The following JAM2 variants were observed in gnomAD, a reference collection of about 807,000 sequenced individuals.
The protein encoded by JAM2 is junctional adhesion molecule 2.
In JAM2, 17 loss-of-function variants were observed where a neutral mutation model predicts 42.0. The observed-to-expected ratio is 0.40, with a 90% confidence interval of 0.28 to 0.61. The LOEUF (loss-of-function observed/expected upper bound fraction) is 0.61. Among genes scored for constraint, JAM2 ranks in the 20% least tolerant of loss-of-function variants. JAM2 has a pLI of 0.37. For synonymous variants in JAM2, 118 were observed against 128.6 expected, an observed-to-expected ratio of 0.92 and a Z score of 0.56; for missense variants, 319 against 358.3, an observed-to-expected ratio of 0.89 and a Z score of 0.89.
At chr21:25,661,945 A>G (rs947644159) in intron 1 of JAM2, among the ~76,000 whole-genome samples, 2 of 151,990 alleles carry the variant, frequency 1.3e-5, no homozygotes. Context: ...ATGCTGCAGA[A>G]TAACCGTGGA....
At chr21:25,665,381 C>G (rs1294509887) in intron 1 of JAM2, among the ~76,000 whole-genome samples, 1 of 152,152 alleles carries the variant, frequency 6.6e-6, no homozygotes, top group Non-Finnish European at 1.5e-5. Context: ...CAAAGGAACT[C>G]CTAAGGTACA....
At chr21:25,656,547 C>T (rs756640811) in intron 1 of JAM2, among the ~76,000 whole-genome samples, 34 of 152,134 alleles carry the variant, frequency 2.2e-4, no homozygotes, top group Non-Finnish European at 4.1e-4. Flanking sequence ...GAAGTAGAGG[C>T]ATTTAGCAGC....
intron 1 of JAM2, among the ~76,000 whole-genome samples, chr21:25,654,222 T>C (rs184172476): frequency 6.6e-6 from 1 of 152,346 alleles, no homozygotes; most frequent in Non-Finnish European, 1.5e-5. Flanking sequence ...AATCATCATT[T>C]GCAGCATGTA....
intron 2 of JAM2, among the ~76,000 whole-genome samples, chr21:25,688,502 C>T (rs1275636867): frequency 6.6e-6 from 1 of 152,222 alleles, no homozygotes; most frequent in Non-Finnish European, 1.5e-5. Flanking sequence ...CCTTAATCAA[C>T]AGAAAAGAAC....
intron 1 of JAM2, among the ~76,000 whole-genome samples, chr21:25,651,020 T>C (rs1600992602): frequency 1.3e-5 from 1 of 78,872 alleles, no homozygotes; most frequent in African/African-American, 5.4e-5. Context: ...GATCTAAATG[T>C]AAATAGGTAA....
At chr21:25,661,805 GT>G (rs1204142379) in intron 1 of JAM2, among the ~76,000 whole-genome samples, 1 of 152,104 alleles carries the variant, frequency 6.6e-6, no homozygotes, top group Non-Finnish European at 1.5e-5. Flanking sequence ...TCTTAGGTTT[GT>G]GGTGGTTGAA....
chr21:25,701,557 C>G (rs757613469), intron 5 of JAM2, among the ~76,000 whole-genome samples: 12 of 152,000 alleles, frequency 7.9e-5, no homozygotes, highest in Non-Finnish European at 8.8e-5. Flanking sequence ...TTATATCAAT[C>G]TTAGCTTTTG....
At chr21:25,689,808 G>A in intron 2 of JAM2, 58 bp from the exon 3 acceptor site, 1 of 1,123,408 alleles carries the variant, frequency 8.9e-7, no homozygotes, top group South Asian at 1.3e-5. Flanking sequence ...ACCTAGTTAA[G>A]TAAAATATAA....
chr21:25,648,531 T>A (rs996751151), intron 1 of JAM2, among the ~76,000 whole-genome samples: 8 of 152,002 alleles, frequency 5.3e-5, no homozygotes, highest in African/African-American at 1.9e-4. Flanking sequence ...CTTCCCAACC[T>A]CCATTCATCT....
rs1249988006 is a variant in JAM2, at chr21:25,675,268, G to A, written c.68-8615G>A. On this transcript the variant is annotated intron_variant, in intron 1 of 9. Coordinates refer to ENST00000480456, the MANE Select transcript of JAM2 (RefSeq NM_021219.4). ...CCTAGCACTTTGAGAAACTGAGGTG[G>A]GCAGATCACTTGAGACCAGCAGTTT... 3.9e-5 allele frequency among the ~76,000 whole-genome samples: 6 copies of A among 152,006 alleles called. No homozygotes were observed. The East Asian group carries it at 1.2e-3, about 29-fold the overall frequency.
At chr21:25,713,845 CA>C (rs1413467420) in intron 9 of JAM2, among the ~76,000 whole-genome samples, 1 of 152,170 alleles carries the variant, frequency 6.6e-6, no homozygotes, top group Non-Finnish European at 1.5e-5. Context: ...CAGTATGAAG[CA>C]CATTGTGGCT....
intron 8 of JAM2, among the ~76,000 whole-genome samples, chr21:25,710,956 G>A (rs1199756716): frequency 6.6e-6 from 1 of 152,240 alleles, no homozygotes; most frequent in Non-Finnish European, 1.5e-5. Context: ...TGGTGCCAAA[G>A]CAGTGTTGGA....
chr21:25,655,687 G>T (rs1464215277), intron 1 of JAM2, among the ~76,000 whole-genome samples: 6 of 125,418 alleles, frequency 4.8e-5, no homozygotes, highest in African/African-American at 1.5e-4. Context: ...GTAGAGACGG[G>T]GTTTCACCCT....
chr21:25,688,272 A>ATG (rs1250796897), intron 2 of JAM2, among the ~76,000 whole-genome samples: 1 of 119,934 alleles, frequency 8.3e-6, no homozygotes, highest in Non-Finnish European at 1.8e-5. Context: ...GTGTGTGTGT[A>ATG]TGTGTGTGTA....
intron 4 of JAM2, 108 bp from the exon 5 acceptor site, chr21:25,698,569 T>G: frequency 1.1e-6 from 1 of 895,648 alleles, no homozygotes; most frequent in Non-Finnish European, 1.7e-6. Context: ...CCTCTTTACC[T>G]GGCTATTAAA....
intron 3 of JAM2, among the ~76,000 whole-genome samples, chr21:25,693,447 C>G (rs1056972057): frequency 6.6e-6 from 1 of 151,996 alleles, no homozygotes. Context: ...TTAGTAGAGA[C>G]AGGGTTTCAC....
intron 1 of JAM2, among the ~76,000 whole-genome samples, chr21:25,640,401 T>G (rs1229696764): frequency 1.3e-5 from 2 of 152,210 alleles, no homozygotes; most frequent in African/African-American, 4.8e-5. Context: ...AGGGAATTCG[T>G]GGCTGCTGAG....
intron 1 of JAM2, among the ~76,000 whole-genome samples, chr21:25,654,726 A>C (rs980426763): frequency 2.0e-5 from 3 of 152,140 alleles, no homozygotes; most frequent in Non-Finnish European, 4.4e-5. Flanking sequence ...CAAAAAAAGA[A>C]AATGACCTTC....
Position 25,714,926 on chromosome 21 carries a change from G to A in JAM2, c.*254G>A. 3.0e-6 allele frequency: 1 copy of A among 330,124 alleles called. No individual in the cohort carries two copies. The allele number at this position is 330,124 out of a possible 1,614,324, so 20.4% of individuals were successfully genotyped here. A position where few individuals can be genotyped will look rare whatever the true frequency, so the allele number is the denominator to read the frequency against. ...GAATTAAAATACTTTGTAATGTCCTGGGCTTTGGGAAATGTTAACCACGTC... is the reference window on the plus strand; with the variant it reads ...GAATTAAAATACTTTGTAATGTCCTAGGCTTTGGGAAATGTTAACCACGTC... On this transcript the variant is annotated 3_prime_UTR_variant, in exon 10 of 10. Transcript: ENST00000480456.
Sources: gnomAD v4.1 joint callset for allele counts (sites outside exome capture counted in the v4.1 genomes callset) on GRCh38, gnomAD v4.1.1 for gene constraint, MANE v1.5 for transcripts, NCBI Gene and HGNC (gene_info 2026-07-23, HGNC 2026-07-21) for gene names.